The following CRYBG3 variants were observed in gnomAD, a reference collection of about 807,000 sequenced individuals.
The protein encoded by CRYBG3 is very large A-kinase anchor protein.
CRYBG3 carries 127 observed loss-of-function variants against 244.2 expected under a neutral mutation model. That is an observed-to-expected ratio of 0.52 (90% CI 0.45 to 0.60). CRYBG3 has a LOEUF of 0.60. Among genes scored for constraint, CRYBG3 ranks in the 20% least tolerant of loss-of-function variants. CRYBG3 has a pLI of 0.00. For missense variants in CRYBG3, 3,325 were observed against 3,442.5 expected (o/e 0.97, Z 0.85); for synonymous variants, 1,132 against 1,195.8 (o/e 0.95, Z 1.10).
intron 2 of CRYBG3, among the ~76,000 whole-genome samples, chr3:97,848,037 A>G (rs1226799501): frequency 6.6e-6 from 1 of 152,222 alleles, no homozygotes; most frequent in Non-Finnish European, 1.5e-5. Context: ...AAGAATGATC[A>G]CTAATTGTTC....
chr3:97,843,867 A>G (rs1173114653), intron 2 of CRYBG3, among the ~76,000 whole-genome samples: 2 of 152,112 alleles, frequency 1.3e-5, no homozygotes, highest in Admixed American at 1.3e-4. Context: ...TTTTCTAGAA[A>G]TTTGATGTTT....
intron 7 of CRYBG3, among the ~76,000 whole-genome samples, chr3:97,884,682 A>G (rs2039487435): frequency 1.3e-5 from 2 of 152,152 alleles, no homozygotes; most frequent in South Asian, 2.1e-4. Flanking sequence ...AGAATTATAC[A>G]TATGTTTTGC....
intron 6 of CRYBG3, among the ~76,000 whole-genome samples, chr3:97,880,783 G>A (rs546287914): frequency 6.6e-6 from 1 of 152,274 alleles, no homozygotes; most frequent in African/African-American, 2.4e-5. Context: ...GTTTCGTATA[G>A]ACCACATCTA....
chr3:97,916,854 C>A (rs2039934233), intron 17 of CRYBG3, among the ~76,000 whole-genome samples: 1 of 151,906 alleles, frequency 6.6e-6, no homozygotes, highest in Non-Finnish European at 1.5e-5. Context: ...TAAGTGGCTA[C>A]TAATACTTCT....
intron 2 of CRYBG3, among the ~76,000 whole-genome samples, chr3:97,849,535 A>C (rs1307149362): frequency 6.6e-6 from 1 of 152,160 alleles, no homozygotes; most frequent in African/African-American, 2.4e-5. Context: ...TCAGGGCTTA[A>C]GCCTGTCATT....
At chr3:97,895,640 T>C (rs2039631425) in intron 11 of CRYBG3, among the ~76,000 whole-genome samples, 1 of 152,236 alleles carries the variant, frequency 6.6e-6, no homozygotes, top group Non-Finnish European at 1.5e-5. Flanking sequence ...CTATATGCAC[T>C]TTGTATTATA....
chr3:97,913,667 G>A (rs576111863), intron 16 of CRYBG3, among the ~76,000 whole-genome samples: 1 of 152,176 alleles, frequency 6.6e-6, no homozygotes, highest in Non-Finnish European at 1.5e-5. Flanking sequence ...CCCACATGCT[G>A]TAGTTTGCTG....
Position 97,874,432 on chromosome 3 carries a change from C to CAAA in CRYBG3, c.3240_3242dup (p.Gln1080_Asn1081insLys). 1 of 1,535,166 alleles carries CAAA rather than the reference C, an allele frequency of 6.5e-7. No homozygotes were observed. The highest frequency in any genetic ancestry group is 1.7e-4 in the Middle Eastern group (1 of 5,980). On this transcript the variant is annotated inframe_insertion, in exon 4 of 22. Coordinates refer to ENST00000389622, the MANE Select transcript of CRYBG3 (RefSeq NM_153605.4). Reference sequence around the variant, plus strand: ...CATGATAGTAAATTCACATAAGCCCCAAAATAATTTGGATTCTATACAAGT... The same window carrying CAAA: ...CATGATAGTAAATTCACATAAGCCCCAAAAAAATAATTTGGATTCTATACAAGT...
chr3:97,863,366 C>T (rs1023811087), intron 2 of CRYBG3, among the ~76,000 whole-genome samples: 21 of 152,134 alleles, frequency 1.4e-4, no homozygotes, highest in African/African-American at 4.1e-4. Context: ...TCAGTTTTTC[C>T]TCATACAGAG....
At chr3:97,914,366 A>C (rs1479502245) in intron 16 of CRYBG3, among the ~76,000 whole-genome samples, 2 of 152,176 alleles carry the variant, frequency 1.3e-5, no homozygotes, top group Non-Finnish European at 2.9e-5. Context: ...AAGATTTAGG[A>C]TCATTGTTAA....
chr3:97,932,697 G>A (rs1351465581), intron 17 of CRYBG3, among the ~76,000 whole-genome samples: 1 of 152,036 alleles, frequency 6.6e-6, no homozygotes, highest in African/African-American at 2.4e-5. Context: ...AGTGTGGGAG[G>A]AGAAGCAAGC....
At chr3:97,848,679 G>C (rs942061573) in intron 2 of CRYBG3, among the ~76,000 whole-genome samples, 1 of 152,066 alleles carries the variant, frequency 6.6e-6, no homozygotes, top group Admixed American at 6.6e-5. Flanking sequence ...GCTCACCTCA[G>C]TCTCCTGAGT....
chr3:97,922,501 A>G (rs1434049928), intron 17 of CRYBG3, among the ~76,000 whole-genome samples: 2 of 152,198 alleles, frequency 1.3e-5, no homozygotes, highest in African/African-American at 4.8e-5. Flanking sequence ...GAAAAAATCA[A>G]ACAACCCCAT....
rs753391188 is a variant in CRYBG3 at position 97,896,071 on chromosome 3, C to T, written c.7687C>T (p.Arg2563Trp). 3.0e-5 allele frequency: 48 copies of T among 1,609,478 alleles called. 1 individual carries two copies. The highest frequency in any genetic ancestry group is 3.8e-5 in the Non-Finnish European group (45 of 1,178,012). ...GALSSPILSF[R>W]YLQANFIESS... is the part of the protein sequence containing the mutation. ...ATTAAGTAGCCCTATCTTGTCTTTC[C>T]GGTACTTACAAGCTGTGAGTTAGCT... Residue 2563 changes from arginine to tryptophan, a missense_variant, in exon 12 of 22, where the codon CGG (arginine) becomes TGG (tryptophan). Transcript: ENST00000389622.
chr3:97,856,279 A>G (rs1436574203), intron 2 of CRYBG3, among the ~76,000 whole-genome samples: 2 of 152,174 alleles, frequency 1.3e-5, no homozygotes, highest in African/African-American at 4.8e-5. Flanking sequence ...TATTGCCTGA[A>G]CAATTGCTGT....
rs531656206 is a variant in CRYBG3 at position 97,845,695 on chromosome 3, G to A, written c.216+2434G>A. The stretch of plus-strand genomic sequence containing the variant: ...AGCCCCCATCTTGACTACAACATGT[G>A]CAGTGGTATTGGTGTCCTTACTTTA... On this transcript the variant is annotated intron_variant, in intron 2 of 21. Coordinates refer to ENST00000389622, the MANE Select transcript of CRYBG3 (RefSeq NM_153605.4). Among the ~76,000 whole-genome samples, 5 of 152,290 alleles carry A rather than the reference G, an allele frequency of 3.3e-5. No individual in the cohort carries two copies. The South Asian group carries it at 1.0e-3, about 32-fold the overall frequency.
intron 1 of CRYBG3, among the ~76,000 whole-genome samples, chr3:97,841,341 CAT>C (rs1271222398): frequency 6.7e-6 from 1 of 149,510 alleles, no homozygotes; most frequent in African/African-American, 2.5e-5. Context: ...TGTATATATG[CAT>C]ATATATATGT....
At chr3:97,851,250 T>C (rs1383224786) in intron 2 of CRYBG3, among the ~76,000 whole-genome samples, 1 of 152,234 alleles carries the variant, frequency 6.6e-6, no homozygotes, top group African/African-American at 2.4e-5. Flanking sequence ...TGGTGGAATT[T>C]CAACTTTTGG....
At chr3:97,881,292 C>A (rs948730534) in intron 7 of CRYBG3, 73 bp downstream of exon 7, 3 of 1,006,102 alleles carry the variant, frequency 3.0e-6, no homozygotes, top group Non-Finnish European at 4.2e-6. Context: ...TGTGGCCTGG[C>A]GATGTTTACA....
Sources: gnomAD v4.1 joint callset for allele counts (sites outside exome capture counted in the v4.1 genomes callset) on GRCh38, gnomAD v4.1.1 for gene constraint, MANE v1.5 for transcripts, NCBI Gene and HGNC (gene_info 2026-07-23, HGNC 2026-07-21) for gene names.